The following KCNIP4 variants were observed in gnomAD, a reference collection of about 807,000 sequenced individuals.
KCNIP4 encodes the protein potassium voltage-gated channel interacting protein 4.
KCNIP4 carries 12 observed loss-of-function variants against 34.0 expected under a neutral mutation model. The ratio of observed to expected loss-of-function variants is 0.35; its 90% confidence interval spans 0.23 to 0.57. The LOEUF (loss-of-function observed/expected upper bound fraction) is 0.57, where lower values mean the gene tolerates loss of function less well. Among genes scored for constraint, KCNIP4 ranks in the 20% least tolerant of loss-of-function variants. The pLI is 0.83. For synonymous variants in KCNIP4, 124 were observed against 102.2 expected (o/e 1.21, Z -1.29); for missense variants, 238 against 311.7 (o/e 0.76, Z 1.78).
intron 1 of KCNIP4, among the ~76,000 whole-genome samples, chr4:21,119,664 TG>T (rs1749983566): frequency 6.6e-6 from 1 of 151,872 alleles, no homozygotes; most frequent in Non-Finnish European, 1.5e-5. Context: ...TCATAGAAAT[TG>T]GGTTCTTTGT....
Position 21,456,280 on chromosome 4 carries a change from A to G in KCNIP4, c.61+492291T>C, listed in dbSNP as rs1426153952. Among the ~76,000 whole-genome samples the G allele has an allele frequency of 2.7e-5, 4 of 147,340 alleles. 1 individual carries two copies. The East Asian group carries it at 7.8e-4, about 29-fold the overall frequency. On this transcript the variant is annotated intron_variant, in intron 1 of 8. Coordinates refer to ENST00000382152, the MANE Select transcript of KCNIP4 (RefSeq NM_025221.6). ...TGAAATTCCTTGCCCTTTCCAGTTC[A>G]CCAAATTGCATCTTTGAAGTCGGAT...
At chr4:21,309,466 T>G (rs1289584739) in intron 1 of KCNIP4, among the ~76,000 whole-genome samples, 1 of 152,218 alleles carries the variant, frequency 6.6e-6, no homozygotes. Context: ...AATATATCTA[T>G]GTACTCACAA....
At chr4:21,326,127 A>C (rs2109312316) in intron 1 of KCNIP4, among the ~76,000 whole-genome samples, 1 of 151,896 alleles carries the variant, frequency 6.6e-6, no homozygotes, top group South Asian at 2.1e-4. Flanking sequence ...TGGCAGATTA[A>C]GTTTGATGTT....
At chr4:21,646,787 A>T (rs1225729862) in intron 1 of KCNIP4, among the ~76,000 whole-genome samples, 1 of 152,210 alleles carries the variant, frequency 6.6e-6, no homozygotes, top group Non-Finnish European at 1.5e-5. Context: ...ATCTATGGCA[A>T]ATCAATCACA....
At chr4:21,863,947 G>C (rs1725260082) in intron 1 of KCNIP4, among the ~76,000 whole-genome samples, 1 of 129,818 alleles carries the variant, frequency 7.7e-6, no homozygotes, top group African/African-American at 2.5e-5. Context: ...ATTATAATTT[G>C]CTTTAACACA....
Position 21,359,638 on chromosome 4 carries a change from T to C in KCNIP4, c.62-476929A>G, listed in dbSNP as rs547393850. Among the ~76,000 whole-genome samples, 10 of 152,196 alleles carry C rather than the reference T, an allele frequency of 6.6e-5. No homozygotes were observed. In the South Asian group the frequency reaches 2.1e-3, roughly 32 times the overall value. ...ATAACACTGAAAATGTTCAAGACTG[T>C]TTAAGGTAGTTCCATTCTCTTAAAC... is the stretch of plus-strand genomic sequence containing the variant. On this transcript the variant is annotated intron_variant, in intron 1 of 8. Transcript: ENST00000382152.
intron 3 of KCNIP4, among the ~76,000 whole-genome samples, chr4:20,777,220 G>A (rs1175324567): frequency 3.3e-5 from 5 of 152,188 alleles, no homozygotes; most frequent in Non-Finnish European, 2.9e-5. Context: ...GCAGCAGAAA[G>A]GAGAAGTGCC....
intron 1 of KCNIP4, among the ~76,000 whole-genome samples, chr4:21,870,745 T>G (rs1725741817): frequency 6.6e-6 from 1 of 152,176 alleles, no homozygotes. Context: ...GTCAAGAACC[T>G]GAACCAGCCC....
chr4:20,916,833 C>T (rs985375344), intron 1 of KCNIP4, among the ~76,000 whole-genome samples: 2 of 151,336 alleles, frequency 1.3e-5, no homozygotes, highest in African/African-American at 4.9e-5. Context: ...ATATGATTAG[C>T]TTCTCCAAAG....
At chr4:21,054,707 C>CAAAAAAAAAAAAAAA (rs34366909) in intron 1 of KCNIP4, among the ~76,000 whole-genome samples, 3 of 86,182 alleles carry the variant, frequency 3.5e-5, no homozygotes, top group African/African-American at 7.8e-5. Context: ...TACTCACATG[C>CAAAAAAAAAAAAAAA]AAAAAAAAAA....
chr4:21,713,394 G>A (rs974626802), intron 1 of KCNIP4, among the ~76,000 whole-genome samples: 8 of 152,144 alleles, frequency 5.3e-5, no homozygotes, highest in Non-Finnish European at 1.2e-4. Flanking sequence ...TGATTATTTG[G>A]ATAATAGGAG....
chr4:21,851,851 C>T (rs1289034732), intron 1 of KCNIP4: 1 of 152,112 alleles, frequency 6.6e-6, no homozygotes, highest in Non-Finnish European at 1.5e-5. Context: ...CCAGGGGAGA[C>T]TCTCAAGATA....
At chr4:21,122,341 G>T (rs564992233) in intron 1 of KCNIP4, among the ~76,000 whole-genome samples, 3 of 147,244 alleles carry the variant, frequency 2.0e-5, no homozygotes, top group Non-Finnish European at 3.0e-5. Flanking sequence ...GTGCGTATAC[G>T]TTTTGAAAAT....
At chr4:21,029,878 T>C (rs1408288209) in intron 1 of KCNIP4, among the ~76,000 whole-genome samples, 1 of 152,200 alleles carries the variant, frequency 6.6e-6, no homozygotes. Context: ...CCATTGGTGT[T>C]TTACTTGAAT....
At chr4:20,742,725 CAGG>C (rs1248347827) in intron 5 of KCNIP4, among the ~76,000 whole-genome samples, 1 of 152,026 alleles carries the variant, frequency 6.6e-6, no homozygotes, top group Admixed American at 6.6e-5. Context: ...GGCAATCAGG[CAGG>C]AGAAGGAAAT....
In KCNIP4 at chr4:21,378,311, T is replaced by A. The variant is rs551696595; in HGVS notation, c.62-495602A>T. ...AGCACTATCTTTTAATATACTTTTT[T>A]CAATATGTATTGGTACCTAAAGCCA... On this transcript the variant is annotated intron_variant, in intron 1 of 8. Coordinates refer to ENST00000382152, the MANE Select transcript of KCNIP4 (RefSeq NM_025221.6). Among the ~76,000 whole-genome samples the A allele has an allele frequency of 5.9e-5, 9 of 152,348 alleles. No individual in the cohort carries two copies. The East Asian group carries it at 1.7e-3, about 29-fold the overall frequency.
chr4:21,582,756 C>T (rs1270677426), intron 1 of KCNIP4, among the ~76,000 whole-genome samples: 3 of 151,840 alleles, frequency 2.0e-5, no homozygotes, highest in Non-Finnish European at 4.4e-5. Flanking sequence ...ACTATGAACA[C>T]TGGACACAAT....
intron 1 of KCNIP4, among the ~76,000 whole-genome samples, chr4:21,216,531 A>C (rs1373751628): frequency 6.6e-6 from 1 of 152,212 alleles, no homozygotes; most frequent in African/African-American, 2.4e-5. Flanking sequence ...AATTCTTGTG[A>C]AGACACGGGG....
intron 1 of KCNIP4, chr4:21,303,944 A>C: frequency 6.3e-7 from 1 of 1,593,070 alleles, no homozygotes; most frequent in East Asian, 2.3e-5. Context: ...GCCACTGAGA[A>C]GTGCTCCTCT....
Sources: allele counts gnomAD v4.1 joint callset (sites outside exome capture counted in the v4.1 genomes callset), GRCh38; gene constraint gnomAD v4.1.1; transcripts MANE v1.5; gene names NCBI Gene and HGNC (gene_info 2026-07-23, HGNC 2026-07-21).